Variants in TEX35 observed in about 807,000 individuals in gnomAD.
The protein encoded by TEX35 is testis-expressed protein 35.
Under a neutral mutation model 31.9 loss-of-function variants are expected in TEX35, and 26 were observed. The observed-to-expected ratio is 0.81, with a 90% CI of 0.60 to 1.13. The LOEUF is 1.13. Ranked by LOEUF, TEX35 falls within the 50% of genes most tolerant of loss-of-function variation. The pLI, the probability that TEX35 is intolerant of heterozygous loss-of-function variation, is 0.00. For missense variants in TEX35, 278 were observed against 273.5 expected, an observed-to-expected ratio of 1.02 and a Z score of -0.12; for synonymous variants, 87 against 90.7, an observed-to-expected ratio of 0.96 and a Z score of 0.23.
downstream of TEX35, chr1:178,523,367 C>A: frequency 1.5e-6 from 1 of 670,660 alleles, no homozygotes; most frequent in South Asian, 1.7e-5. Flanking sequence ...TGAGGAACAA[C>A]CTCCAAACTG....
At chr1:178,515,819 T>C (rs982205866) in intron 3 of TEX35, 40 bp from the exon 4 acceptor site, 30 of 1,539,166 alleles carry the variant, frequency 1.9e-5, no homozygotes, top group Non-Finnish European at 2.6e-5. Flanking sequence ...CCATCCTAGA[T>C]ATTTCTTTCC....
downstream of TEX35, chr1:178,522,675 T>C: frequency 8.2e-7 from 1 of 1,218,816 alleles, no homozygotes; most frequent in Non-Finnish European, 1.0e-6. Flanking sequence ...TTTATTATTA[T>C]GGTTAATTTT....
Position 178,520,413 on chromosome 1 carries a change from A to C in TEX35, c.318A>C (p.Ile106=), listed in dbSNP as rs143366830. The C allele has an allele frequency of 3.1e-6, 5 of 1,613,992 alleles. No individual in the cohort carries two copies. The African/African-American group carries it at 6.7e-5, about 22-fold the overall frequency. ...KDMDEKMDIL[I]NTQKNYKLPL... ...TGGATGAGAAGATGGACATTTTAAT[A>C]AATACACAGAAGAACTATAAGCTGT... Residue 106 remains isoleucine (I), a synonymous_variant, in exon 6 of 9, where the codon ATA becomes ATC. Coordinates refer to ENST00000319416, the MANE Select transcript of TEX35 (RefSeq NM_032126.5).
downstream of TEX35, chr1:178,522,749 G>A: frequency 1.2e-6 from 1 of 811,300 alleles, no homozygotes; most frequent in African/African-American, 1.8e-5. Flanking sequence ...AGTTATGCAA[G>A]GTGAAATAAG....
At chr1:178,514,874 A>C (rs1284084548) in intron 3 of TEX35, 106 bp downstream of exon 3, 1 of 898,932 alleles carries the variant, frequency 1.1e-6, no homozygotes, top group Admixed American at 2.1e-5. Context: ...ATCCTCTTAC[A>C]TAGGCACAGT....
chr1:178,514,199 C>G (rs551424744), intron 2 of TEX35, 122 bp downstream of exon 2: 2 of 1,584,196 alleles, frequency 1.3e-6, no homozygotes, highest in Admixed American at 1.8e-5. Context: ...CTGGGGGATG[C>G]ACTGAGAGTT....
chr1:178,521,810 A>G, intron 8 of TEX35: 1 of 1,542,942 alleles, frequency 6.5e-7, no homozygotes, highest in Non-Finnish European at 8.7e-7. Flanking sequence ...ATTCAAAGCC[A>G]AAGGGGATGT....
Position 178,520,444 on chromosome 1 carries a change from T to C in TEX35, c.341+8T>C. 1 of 1,614,128 alleles carries C rather than the reference T, an allele frequency of 6.2e-7. No homozygotes were observed. Among genetic ancestry groups the C allele is most frequent in the Admixed American group, 1.7e-5 (1 of 60,020 alleles). ...ACAGAAGAACTATAAGCTGTAAGTG[T>C]AACCTGCACTCGTCTCTCCTCATCC... On this transcript the variant is annotated splice_region_variant and intron_variant, in intron 6 of 8. Transcript: ENST00000319416.
chr1:178,521,196 T>A (rs775081632), intron 7 of TEX35, 26 bp from the exon 8 acceptor site: 12 of 1,614,080 alleles, frequency 7.4e-6, no homozygotes, highest in Non-Finnish European at 1.0e-5. Flanking sequence ...AATTGATCTT[T>A]CTTGTGCCGT....
intron 5 of TEX35, 80 bp from the exon 6 acceptor site, chr1:178,520,292 A>G (rs1436956332): frequency 7.1e-7 from 1 of 1,409,430 alleles, no homozygotes; most frequent in Non-Finnish European, 9.9e-7. Flanking sequence ...AAGATGCAGA[A>G]TGGTTTGCAG....
intron 8 of TEX35, chr1:178,521,577 G>T: frequency 6.6e-7 from 1 of 1,521,864 alleles, no homozygotes. Context: ...TTCACACCAG[G>T]TCTGGGCACC....
intron 8 of TEX35, 60 bp downstream of exon 8, chr1:178,521,324 C>T (rs981996535): frequency 1.9e-6 from 3 of 1,582,502 alleles, no homozygotes; most frequent in African/African-American, 1.3e-5. Context: ...GTCCCCAAGG[C>T]CATGTGCTCC....
At chr1:178,523,360 G>A (rs547872785), downstream of TEX35, 154 of 678,994 alleles carry the variant, frequency 2.3e-4, 1 homozygote, top group Middle Eastern at 5.9e-3. Context: ...AGTTTTTTGA[G>A]GAACAACCTC....
downstream of TEX35, chr1:178,523,443 G>T (rs1650350703): frequency 2.2e-6 from 1 of 461,352 alleles, no homozygotes; most frequent in Non-Finnish European, 3.9e-6. Context: ...CTTTTCTCCG[G>T]GTCAAGTTCT....
chr1:178,513,629 C>A (rs896144560), intron 1 of TEX35, among the ~76,000 whole-genome samples: 2 of 152,240 alleles, frequency 1.3e-5, no homozygotes, highest in African/African-American at 4.8e-5. Context: ...AGAGGCTAAG[C>A]AACTCACCCA....
At chr1:178,521,464 A>G in intron 8 of TEX35, 200 bp downstream of exon 8, 9 of 1,010,556 alleles carry the variant, frequency 8.9e-6, no homozygotes, top group African/African-American at 1.6e-5. Flanking sequence ...CACCCAGCCT[A>G]GAGGCTGCTG....
At chr1:178,521,002 C>T (rs1240623393) in intron 7 of TEX35, 128 bp downstream of exon 7, 1 of 1,540,508 alleles carries the variant, frequency 6.5e-7, no homozygotes, top group Non-Finnish European at 8.7e-7. Flanking sequence ...CTTCTGGGTG[C>T]CGCCCGAGCC....
At chr1:178,517,506 A>G (rs1280347890) in intron 5 of TEX35, among the ~76,000 whole-genome samples, 2 of 152,220 alleles carry the variant, frequency 1.3e-5, no homozygotes, top group African/African-American at 2.4e-5. Context: ...TTGGCTGCAC[A>G]TTATAATCAC....
chr1:178,520,718 GGGA>G lies in TEX35; in HGVS notation c.388_390del (p.Gly130del). The G allele has an allele frequency of 1.9e-6, 3 of 1,614,060 alleles. No individual in the cohort carries two copies. Among genetic ancestry groups the G allele is most frequent in the Non-Finnish European group, 2.5e-6 (3 of 1,180,004 alleles). On this transcript the variant is annotated inframe_deletion, in exon 7 of 9. Coordinates refer to ENST00000319416, the MANE Select transcript of TEX35 (RefSeq NM_032126.5). The stretch of plus-strand genomic sequence containing the variant: ...AGGAGCAGCAGGAACTCAGGCTGAT[GGGA>G]AAGACTCACAGAGAACCACAGCTCA...
Sources: allele counts gnomAD v4.1 joint callset (sites outside exome capture counted in the v4.1 genomes callset), GRCh38; gene constraint gnomAD v4.1.1; transcripts MANE v1.5; gene names NCBI Gene and HGNC (gene_info 2026-07-23, HGNC 2026-07-21).